The following ATP6V1B1 variants were observed in gnomAD, a reference collection of about 807,000 sequenced individuals.
ATP6V1B1 encodes the protein V-type proton ATPase subunit B, kidney isoform.
Under a neutral mutation model 62.1 loss-of-function variants are expected in ATP6V1B1, and 41 were observed. That is an observed-to-expected ratio of 0.66 (90% CI 0.51 to 0.86). ATP6V1B1 has a LOEUF of 0.86. Among genes scored for constraint, ATP6V1B1 ranks in the 40% least tolerant of loss-of-function variants. ATP6V1B1 has a pLI of 0.00. For missense variants in ATP6V1B1, 651 were observed against 697.5 expected (o/e 0.93, Z 0.75); for synonymous variants, 253 against 273.4 (o/e 0.93, Z 0.74).
intron 7 of ATP6V1B1, among the ~76,000 whole-genome samples, 178 bp downstream of exon 7, chr2:70,961,200 T>C (rs1332970885): frequency 1.3e-5 from 2 of 151,968 alleles, no homozygotes; most frequent in Non-Finnish European, 2.9e-5. Flanking sequence ...CCAAAGGCAA[T>C]CACAGTGGTA....
intron 1 of ATP6V1B1, among the ~76,000 whole-genome samples, chr2:70,936,483 G>GGT (rs1452242357): frequency 6.0e-4 from 91 of 152,174 alleles, no homozygotes; most frequent in African/African-American, 2.1e-3. Context: ...TACTTGGAGT[G>GGT]GTGTGTGTGG....
intron 2 of ATP6V1B1, among the ~76,000 whole-genome samples, chr2:70,955,405 C>A (rs183627140): frequency 6.6e-6 from 1 of 152,270 alleles, no homozygotes; most frequent in Non-Finnish European, 1.5e-5. Flanking sequence ...CACAGTTATG[C>A]AAACATCATC....
chr2:70,964,136 T>TTTTTTTTA, intron 11 of ATP6V1B1: 7 of 292,854 alleles, frequency 2.4e-5, no homozygotes, highest in South Asian at 9.1e-5. Flanking sequence ...TTTTTTTTTT[T>TTTTTTTTA]GCAGCTATTA....
intron 2 of ATP6V1B1, among the ~76,000 whole-genome samples, chr2:70,950,594 A>G (rs1399997303): frequency 6.6e-6 from 1 of 151,876 alleles, no homozygotes; most frequent in Non-Finnish European, 1.5e-5. Flanking sequence ...ACTGGTTACT[A>G]CTAAAATAGA....
chr2:70,935,934 C>T lies in ATP6V1B1; in HGVS notation c.-21C>T. ...ACCAGCAGCAGGCTCAGACACTGGG[C>T]TCCCAGCTGGGGACTGCTCCATGGC... On this transcript the variant is annotated 5_prime_UTR_variant, in exon 1 of 14. Coordinates refer to ENST00000234396, the MANE Select transcript of ATP6V1B1 (RefSeq NM_001692.4). The T allele has an allele frequency of 1.2e-6, 2 of 1,601,974 alleles. No individual in the cohort carries two copies. Among genetic ancestry groups the T allele is most frequent in the Non-Finnish European group, 1.7e-6 (2 of 1,170,746 alleles).
chr2:70,961,926 C>T (rs1680597313), intron 8 of ATP6V1B1: 1 of 577,870 alleles, frequency 1.7e-6, no homozygotes, highest in Non-Finnish European at 3.1e-6. Context: ...TCTGCTCTTC[C>T]CACAACCCAT....
intron 2 of ATP6V1B1, among the ~76,000 whole-genome samples, chr2:70,944,960 C>G (rs782353189): frequency 2.6e-5 from 4 of 152,170 alleles, no homozygotes; most frequent in African/African-American, 4.8e-5. Flanking sequence ...AGCCACCGTG[C>G]CCAGCTGCTT....
chr2:70,957,667 C>T (rs1347032186), intron 2 of ATP6V1B1: 2 of 345,856 alleles, frequency 5.8e-6, no homozygotes, highest in Non-Finnish European at 1.1e-5. Flanking sequence ...CATATGTTAT[C>T]TCATTTCCTC....
In ATP6V1B1 at chr2:70,965,046, TC is replaced by T; in HGVS notation, c.1469del (p.Pro490ArgfsTer4). ...IFPKEMLKRIPQAVIDEFYSR... is the reference protein window; with the variant it reads ...IFPKEMLKRIXQAVIDEFYSR... The stretch of plus-strand genomic sequence containing the variant: ...TCCCCAAGGAGATGCTGAAGCGCAT[TC>T]CGCAGGCCGTGATCGACGAGTTCTA... On this transcript the variant is annotated frameshift_variant, in exon 14 of 14. Coordinates refer to ENST00000234396, the MANE Select transcript of ATP6V1B1 (RefSeq NM_001692.4). LOFTEE classifies it high-confidence loss of function. 1.2e-6 allele frequency: 2 copies of T among 1,613,506 alleles called. No homozygotes were observed. Among genetic ancestry groups the T allele is most frequent in the South Asian group, 2.2e-5 (2 of 91,080 alleles).
Position 70,963,229 on chromosome 2 carries a change from C to A in ATP6V1B1, c.977C>A (p.Ala326Asp). Reference sequence around the variant, plus strand: ...CCTGGATATATGTACACAGACCTGGCCACCATCTACGAGCGGGCGGGCCGC... The same window carrying A: ...CCTGGATATATGTACACAGACCTGGACACCATCTACGAGCGGGCGGGCCGC... ...GFPGYMYTDL[A>D]TIYERAGRVE... The change falls in exon 10 of 14, where the codon GCC becomes GAC. Residue 326 changes from alanine to aspartate, a missense_variant. By Grantham distance (126) the Ala-to-Asp change is moderately radical (BLOSUM62 -2). Coordinates refer to ENST00000234396, the MANE Select transcript of ATP6V1B1 (RefSeq NM_001692.4). The surrounding 1 kb of genome is among the most constrained non-coding windows in gnomAD (Gnocchi z 4.3). 6.2e-7 allele frequency: 1 copy of A among 1,614,056 alleles called. No homozygotes were observed. Among genetic ancestry groups the A allele is most frequent in the Non-Finnish European group, 8.5e-7 (1 of 1,180,008 alleles).
intron 2 of ATP6V1B1, among the ~76,000 whole-genome samples, chr2:70,957,387 A>G (rs1343599493): frequency 6.6e-6 from 1 of 152,102 alleles, no homozygotes; most frequent in African/African-American, 2.4e-5. Flanking sequence ...GGCATGAGCC[A>G]CCACACCCAG....
chr2:70,940,616 C>T (rs1248012951), intron 1 of ATP6V1B1: 2 of 985,296 alleles, frequency 2.0e-6, no homozygotes, highest in Non-Finnish European at 2.4e-6. Flanking sequence ...GCCTCTGTCT[C>T]CTACCCTTTC....
At chr2:70,962,938 C>T in intron 9 of ATP6V1B1, 38 bp downstream of exon 9, 2 of 1,612,784 alleles carry the variant, frequency 1.2e-6, no homozygotes, top group Non-Finnish European at 1.7e-6. Flanking sequence ...TTCCTCCCTA[C>T]CCCTCCCTAA....
rs781871832 is a variant in ATP6V1B1, at chr2:70,935,941, C to T, written c.-14C>T. ...GCAGGCTCAGACACTGGGCTCCCAGCTGGGGACTGCTCCATGGCCATGGAG... is the reference window on the plus strand; with the variant it reads ...GCAGGCTCAGACACTGGGCTCCCAGTTGGGGACTGCTCCATGGCCATGGAG... On this transcript the variant is annotated 5_prime_UTR_variant, in exon 1 of 14. Transcript: ENST00000234396. 2.8e-5 allele frequency: 45 copies of T among 1,608,374 alleles called. No homozygotes were observed. Among genetic ancestry groups the T allele is most frequent in the Non-Finnish European group, 3.4e-5 (40 of 1,175,896 alleles).
chr2:70,959,000 C>G lies in ATP6V1B1; in HGVS notation c.368-18C>G. The G allele has an allele frequency of 6.2e-7, 1 of 1,613,674 alleles. No individual in the cohort carries two copies. Among genetic ancestry groups the G allele is most frequent in the Non-Finnish European group, 8.5e-7 (1 of 1,179,736 alleles). On this transcript the variant is annotated intron_variant, in intron 4 of 13. Coordinates refer to ENST00000234396, the MANE Select transcript of ATP6V1B1 (RefSeq NM_001692.4). ...GGGCTAGCCTGAGCACCCTGCAACA[C>G]TCCTCGTCCACCCTCAGGTCGGGTT...
intron 11 of ATP6V1B1, chr2:70,964,132 T>TTTTTTTTTTTC (rs1680658066): frequency 3.2e-6 from 1 of 309,364 alleles, no homozygotes; most frequent in African/African-American, 2.4e-5. Context: ...TTTTTTTTTT[T>TTTTTTTTTTTC]TTTTGCAGCT....
rs1288477850 is a variant in ATP6V1B1, at chr2:70,963,293, C to T, written c.1041C>T (p.Ile347=). ...GAGGATCCATCACACAGATCCCCAT[C>T]CTCACCATGCCCAACGACGGTAGCC... ...GRGGSITQIP[I]LTMPNDDITH... is the part of the protein sequence containing the mutation. The change falls in exon 10 of 14, where the codon ATC becomes ATT. Residue 347 remains isoleucine, a synonymous_variant. Transcript: ENST00000234396. This position sits in a 1 kb window ranked among gnomAD's most constrained non-coding sequence, Gnocchi z 4.3. 1 of 1,613,420 alleles carries T rather than the reference C, an allele frequency of 6.2e-7. No homozygotes were observed. Among genetic ancestry groups the T allele is most frequent in the Non-Finnish European group, 8.5e-7 (1 of 1,180,008 alleles).
At chr2:70,954,869 C>T (rs558455730) in intron 2 of ATP6V1B1, among the ~76,000 whole-genome samples, 1 of 152,260 alleles carries the variant, frequency 6.6e-6, no homozygotes, top group East Asian at 1.9e-4. Context: ...CTAGGGGATG[C>T]AATGCGTTTG....
chr2:70,965,107 G>A lies in ATP6V1B1; in HGVS notation c.1528G>A (p.Asp510Asn), dbSNP rs782185133. 3 of 1,611,218 alleles carry A rather than the reference G, an allele frequency of 1.9e-6. No individual in the cohort carries two copies. Among genetic ancestry groups the A allele is most frequent in the Admixed American group, 1.7e-5 (1 of 60,024 alleles). ...REGALQDLAP[D>N]TAL Reference sequence around the variant, plus strand: ...GGGGGCGCTGCAGGACCTCGCGCCTGACACTGCGCTCTAGCCCCGCGCGCC... The same window carrying A: ...GGGGGCGCTGCAGGACCTCGCGCCTAACACTGCGCTCTAGCCCCGCGCGCC... The change falls in exon 14 of 14, where the codon GAC (aspartate) becomes AAC (asparagine). Residue 510 changes from aspartate to asparagine, a missense_variant. Coordinates refer to ENST00000234396, the MANE Select transcript of ATP6V1B1 (RefSeq NM_001692.4).
Sources: allele counts gnomAD v4.1 joint callset (sites outside exome capture counted in the v4.1 genomes callset), GRCh38; gene constraint gnomAD v4.1.1; non-coding constraint Gnocchi (gnomAD v3.1); transcripts MANE v1.5; gene names NCBI Gene and HGNC (gene_info 2026-07-23, HGNC 2026-07-21).